The following ENTPD1 variants were observed in gnomAD, a reference collection of about 807,000 sequenced individuals.
ENTPD1 encodes ATP diphosphohydrolase.
Under a neutral mutation model 57.0 loss-of-function variants are expected in ENTPD1, and 33 were observed. That is an observed-to-expected ratio of 0.58 (90% CI 0.44 to 0.77). The LOEUF is 0.77. Ranked by LOEUF, ENTPD1 falls within the 30% of genes least tolerant of loss-of-function variation. ENTPD1 has a pLI of 0.00. For missense variants in ENTPD1, 501 were observed against 603.4 expected, an observed-to-expected ratio of 0.83 and a Z score of 1.78; for synonymous variants, 202 against 218.8, an observed-to-expected ratio of 0.92 and a Z score of 0.68.
intron 2 of ENTPD1, among the ~76,000 whole-genome samples, chr10:95,835,246 C>A (rs1382075482): frequency 1.3e-5 from 2 of 152,200 alleles, no homozygotes; most frequent in African/African-American, 4.8e-5. Context: ...CAGCTGCATT[C>A]ATGTTGCTGC....
At chr10:95,795,482 G>T (rs2098222608) in intron 1 of ENTPD1, among the ~76,000 whole-genome samples, 1 of 152,068 alleles carries the variant, frequency 6.6e-6, no homozygotes, top group Admixed American at 6.6e-5. Context: ...GGTGAAGGAG[G>T]CAGCTGAAAG....
chr10:95,784,124 T>G (rs1382716611), intron 1 of ENTPD1, among the ~76,000 whole-genome samples: 1 of 145,112 alleles, frequency 6.9e-6, no homozygotes. Context: ...TTTTTGATTG[T>G]AGAAAAGATC....
intron 2 of ENTPD1, among the ~76,000 whole-genome samples, chr10:95,833,959 T>C (rs1203904849): frequency 1.3e-5 from 2 of 152,254 alleles, no homozygotes; most frequent in African/African-American, 4.8e-5. Flanking sequence ...GCTCACCTCC[T>C]GATGCTGATG....
intron 1 of ENTPD1, among the ~76,000 whole-genome samples, chr10:95,787,627 C>T (rs1350553538): frequency 6.6e-6 from 1 of 152,046 alleles, no homozygotes; most frequent in African/African-American, 2.4e-5. Flanking sequence ...TTACAAATGA[C>T]AGAGCTGGGA....
At chr10:95,755,617 C>T (rs1006332041), upstream of ENTPD1, 2 of 1,376,452 alleles carry the variant, frequency 1.5e-6, no homozygotes, top group Non-Finnish European at 9.9e-7. Context: ...ACCAATAACG[C>T]AGCGTCTCCT....
chr10:95,757,058 C>T (rs2098029378), intron 1 of ENTPD1, among the ~76,000 whole-genome samples: 1 of 152,228 alleles, frequency 6.6e-6, no homozygotes, highest in Admixed American at 6.5e-5. Context: ...AGAATCTCTG[C>T]AGCAGTGAGG....
chr10:95,859,922 A>T (rs1037053808), intron 7 of ENTPD1, among the ~76,000 whole-genome samples: 16 of 152,254 alleles, frequency 1.1e-4, no homozygotes, highest in South Asian at 1.0e-3. Flanking sequence ...AATGATTTTT[A>T]AAAAATTTCA....
At chr10:95,837,659 G>A (rs975167099) in intron 2 of ENTPD1, among the ~76,000 whole-genome samples, 2 of 152,128 alleles carry the variant, frequency 1.3e-5, no homozygotes, top group Non-Finnish European at 2.9e-5. Flanking sequence ...GGTCTGCACG[G>A]TGGTACTCCC....
At chr10:95,723,726 T>A (rs1173830737) in intron 1 of ENTPD1, among the ~76,000 whole-genome samples, 1 of 152,120 alleles carries the variant, frequency 6.6e-6, no homozygotes, top group Non-Finnish European at 1.5e-5. Context: ...TGTGCCATGA[T>A]CTGAACCAGC....
At chr10:95,717,599 C>G (rs754285975) in intron 1 of ENTPD1, among the ~76,000 whole-genome samples, 18 of 152,116 alleles carry the variant, frequency 1.2e-4, no homozygotes, top group Non-Finnish European at 2.4e-4. Flanking sequence ...TTGCAAGCCC[C>G]GTGTTTAAAG....
intron 1 of ENTPD1, among the ~76,000 whole-genome samples, chr10:95,802,779 A>G (rs977419035): frequency 1.6e-4 from 25 of 152,296 alleles, no homozygotes; most frequent in Admixed American, 1.4e-3. Context: ...TCCGCAAAGG[A>G]CATGAACTCA....
chr10:95,835,784 C>T (rs2098408236), intron 2 of ENTPD1, among the ~76,000 whole-genome samples: 2 of 124,046 alleles, frequency 1.6e-5, no homozygotes, highest in Non-Finnish European at 3.5e-5. Flanking sequence ...TGTGTGTTTA[C>T]TCTGTCACTG....
At chr10:95,772,523 C>T (rs541366047) in intron 1 of ENTPD1, among the ~76,000 whole-genome samples, 1 of 152,334 alleles carries the variant, frequency 6.6e-6, no homozygotes, top group Non-Finnish European at 1.5e-5. Context: ...AACTCCACAG[C>T]TGTTCAAGTT....
At position 95,731,112 on chromosome 10, in the gene ENTPD1, C is replaced by T. The variant is rs376475089; in HGVS notation, c.37+19119C>T. Among the ~76,000 whole-genome samples the T allele has an allele frequency of 6.6e-5, 10 of 152,292 alleles. No individual in the cohort carries two copies. The East Asian group carries it at 1.5e-3, about 23-fold the overall frequency. On this transcript the variant is annotated intron_variant, in intron 1 of 9. Coordinates refer to the ENTPD1 transcript ENST00000453258. ...AGTTTTAGCTAATATATAAACATGTCATAATATTTTTATAGCCAAACAGTG... is the reference window on the plus strand; with the variant it reads ...AGTTTTAGCTAATATATAAACATGTTATAATATTTTTATAGCCAAACAGTG...
At chr10:95,772,683 C>G (rs767382248) in intron 1 of ENTPD1, among the ~76,000 whole-genome samples, 2 of 152,164 alleles carry the variant, frequency 1.3e-5, no homozygotes, top group Non-Finnish European at 2.9e-5. Flanking sequence ...TCAACTTCTT[C>G]CAAACTCCTG....
intron 4 of ENTPD1, 81 bp downstream of exon 4, chr10:95,842,575 C>A: frequency 6.7e-7 from 1 of 1,499,468 alleles, no homozygotes; most frequent in Non-Finnish European, 9.0e-7. Flanking sequence ...GGGAAAGGGC[C>A]ACACTCCCTA....
intron 1 of ENTPD1, among the ~76,000 whole-genome samples, chr10:95,784,102 C>CTTTTTTTTTTT (rs200561277): frequency 7.4e-5 from 10 of 134,588 alleles, no homozygotes; most frequent in East Asian, 4.3e-4. Flanking sequence ...TTTGCTTGTT[C>CTTTTTTTTTTT]TTTTTTTTTT....
At chr10:95,718,610 C>T (rs2097974150) in intron 1 of ENTPD1, among the ~76,000 whole-genome samples, 1 of 152,164 alleles carries the variant, frequency 6.6e-6, no homozygotes, top group African/African-American at 2.4e-5. Flanking sequence ...ACTAGGTGAG[C>T]ATACTTAGAG....
intron 5 of ENTPD1, among the ~76,000 whole-genome samples, chr10:95,845,057 T>C (rs1360173621): frequency 6.6e-6 from 1 of 152,220 alleles, no homozygotes; most frequent in Non-Finnish European, 1.5e-5. Flanking sequence ...GTAATTAGTC[T>C]GCCCATGGCT....
Sources: gnomAD v4.1 joint callset for allele counts (sites outside exome capture counted in the v4.1 genomes callset) on GRCh38, gnomAD v4.1.1 for gene constraint, MANE v1.5 for transcripts, NCBI Gene and HGNC (gene_info 2026-07-23, HGNC 2026-07-21) for gene names.